RAB11FIP4: variants seen among roughly 807,000 people sequenced by gnomAD.
The protein encoded by RAB11FIP4 is RAB11 family interacting protein 4, also known as rab11 family-interacting protein 4.
A neutral mutation model predicts 74.3 loss-of-function variants in RAB11FIP4; 23 were observed. The observed-to-expected ratio is 0.31, with a 90% CI of 0.22 to 0.44. The LOEUF is 0.44. Among genes scored for constraint, RAB11FIP4 ranks in the 20% least tolerant of loss-of-function variants. The pLI is 1.00. For synonymous variants in RAB11FIP4, 360 were observed against 359.9 expected, an observed-to-expected ratio of 1.00 and a Z score of 0.00; for missense variants, 630 against 863.9, an observed-to-expected ratio of 0.73 and a Z score of 3.39.
At chr17:31,483,192 C>CAAAAAA (rs56720417) in intron 3 of RAB11FIP4, among the ~76,000 whole-genome samples, 4 of 58,568 alleles carry the variant, frequency 6.8e-5, no homozygotes, top group Non-Finnish European at 9.0e-5. Context: ...GACTGCATCT[C>CAAAAAA]AAAAAAAAAA....
intron 13 of RAB11FIP4, among the ~76,000 whole-genome samples, chr17:31,529,258 C>T (rs1334593746): frequency 6.6e-6 from 1 of 152,022 alleles, no homozygotes; most frequent in African/African-American, 2.4e-5. Context: ...CCACCATGCC[C>T]AGCTAATGTT....
At chr17:31,521,017 A>G (rs2072654281) in intron 4 of RAB11FIP4, 149 bp from the exon 5 acceptor site, 2 of 556,042 alleles carry the variant, frequency 3.6e-6, no homozygotes, top group African/African-American at 1.9e-5. Flanking sequence ...CCCTTTAGAT[A>G]GGGTCCCTGA....
At chr17:31,405,611 G>A (rs987738552) in intron 1 of RAB11FIP4, among the ~76,000 whole-genome samples, 4 of 152,248 alleles carry the variant, frequency 2.6e-5, no homozygotes, top group East Asian at 1.9e-4. Flanking sequence ...GACCTCAGGC[G>A]ATCCGCCCTC....
At chr17:31,495,437 C>T (rs1244051041) in intron 3 of RAB11FIP4, among the ~76,000 whole-genome samples, 1 of 139,176 alleles carries the variant, frequency 7.2e-6, no homozygotes, top group Non-Finnish European at 1.5e-5. Context: ...TGCAGCGATA[C>T]AATCTTGGCT....
chr17:31,501,486 C>T (rs946527869), intron 3 of RAB11FIP4, among the ~76,000 whole-genome samples: 3 of 152,110 alleles, frequency 2.0e-5, no homozygotes, highest in African/African-American at 4.8e-5. Flanking sequence ...TTTTATGTCC[C>T]ACGCAATTTA....
rs186180465 is a variant in RAB11FIP4, at chr17:31,493,969, T to G, written c.337-23682T>G. ...GCAGCATTCAGATGGGGCATCCTGT[T>G]CATCCACCCCCCTGCTTTGGGGTGG... On this transcript the variant is annotated intron_variant, in intron 3 of 14. Transcript: ENST00000621161. Among the ~76,000 whole-genome samples, 11 of 152,168 alleles carry G rather than the reference T, an allele frequency of 7.2e-5. No homozygotes were observed. The East Asian group carries it at 2.1e-3, about 30-fold the overall frequency.
At chr17:31,400,264 G>A (rs1430889801) in intron 1 of RAB11FIP4, among the ~76,000 whole-genome samples, 5 of 152,228 alleles carry the variant, frequency 3.3e-5, no homozygotes, top group African/African-American at 1.2e-4. Context: ...TTAGAACAAT[G>A]TCATAGATGG....
chr17:31,473,706 A>G (rs181099663), intron 3 of RAB11FIP4, among the ~76,000 whole-genome samples: 3 of 152,226 alleles, frequency 2.0e-5, no homozygotes, highest in East Asian at 3.8e-4. Context: ...GGGCTATTCC[A>G]TGGTCCTCAC....
rs1472422894 is a variant in RAB11FIP4 at position 31,517,716 on chromosome 17, T to TC, written c.405dup (p.Glu136ArgfsTer13). ...TCATCCCCAGGGAACCCGGCTTTTTTCCCGAGGACGAGGAGGAGGCTATGA... is the reference window on the plus strand; with the variant it reads ...TCATCCCCAGGGAACCCGGCTTTTTTCCCCGAGGACGAGGAGGAGGCTATGA... On this transcript the variant is annotated frameshift_variant, in exon 4 of 15. Coordinates refer to ENST00000621161, the MANE Select transcript of RAB11FIP4 (RefSeq NM_032932.6). LOFTEE classifies it high-confidence loss of function. 7 of 1,604,556 alleles carry TC rather than the reference T, an allele frequency of 4.4e-6. No homozygotes were observed. Among genetic ancestry groups the TC allele is most frequent in the Non-Finnish European group, 6.0e-6 (7 of 1,176,250 alleles).
At chr17:31,523,191 G>A (rs1444543506) in intron 7 of RAB11FIP4, 2 of 388,424 alleles carry the variant, frequency 5.1e-6, no homozygotes. Flanking sequence ...AAGAGGAGGG[G>A]GCTCACGTGC....
At chr17:31,405,819 C>T (rs1478595054) in intron 1 of RAB11FIP4, among the ~76,000 whole-genome samples, 2 of 152,106 alleles carry the variant, frequency 1.3e-5, no homozygotes, top group East Asian at 3.9e-4. Flanking sequence ...TACCTTAAAA[C>T]CCACATCTGG....
chr17:31,536,798 C>T lies in RAB11FIP4; in HGVS notation c.*5066C>T. On this transcript the variant is annotated 3_prime_UTR_variant, in exon 15 of 15. Transcript: ENST00000621161. ...CAGGACAACTCTGAGGCCCTTCTGC[C>T]ATATTCTCTGCTACCCACCAGAGAA... is the stretch of plus-strand genomic sequence containing the variant. The T allele has an allele frequency of 2.5e-6, 1 of 394,294 alleles. No homozygotes were observed. The highest frequency in any genetic ancestry group is 1.4e-4 in the South Asian group (1 of 6,988). 24.4% of individuals were successfully genotyped at this position (394,294 alleles called of 1,614,324 possible).
At chr17:31,521,764 A>T in intron 5 of RAB11FIP4, 151 bp from the exon 6 acceptor site, 1 of 820,232 alleles carries the variant, frequency 1.2e-6, no homozygotes. Flanking sequence ...TGGAGAAGGG[A>T]TGATCTGTTG....
rs532501790 is a variant in RAB11FIP4, at chr17:31,497,760, A to C, written c.337-19891A>C. On this transcript the variant is annotated intron_variant, in intron 3 of 14. Coordinates refer to ENST00000621161, the MANE Select transcript of RAB11FIP4 (RefSeq NM_032932.6). ...GATGTCTGGGTGACAGTGGCCCCCA[A>C]GCAGGGGCTGAGTGTGCGCTGCTGG... is the stretch of plus-strand genomic sequence containing the variant. 2.0e-5 allele frequency among the ~76,000 whole-genome samples: 3 copies of C among 152,268 alleles called. No individual in the cohort carries two copies. The East Asian group carries it at 5.8e-4, about 29-fold the overall frequency.
chr17:31,403,336 T>A (rs554150869), intron 1 of RAB11FIP4, among the ~76,000 whole-genome samples: 1 of 151,760 alleles, frequency 6.6e-6, no homozygotes, highest in African/African-American at 2.4e-5. Flanking sequence ...TTCTTTTTTT[T>A]TTTTGAGATG....
chr17:31,464,749 C>CTTTTTTTTTT lies in RAB11FIP4; in HGVS notation c.336+30647_336+30656dup, dbSNP rs58083480. Among the ~76,000 whole-genome samples the CTTTTTTTTTT allele has an allele frequency of 1.3e-4, 5 of 39,636 alleles. 1 individual carries two copies. The highest frequency in any genetic ancestry group is 2.2e-4 in the African/African-American group (2 of 9,248). 26.0% of individuals were successfully genotyped at this position (39,636 alleles called of 152,430 possible). A position where few individuals can be genotyped will look rare whatever the true frequency, so the allele number is the denominator to read the frequency against. ...TACAGGCATGAGCCACTGTGCCCGG[C>CTTTTTTTTTT]TTTTTTTTTTTTTTTTTTTTTTTTT... is the stretch of plus-strand genomic sequence containing the variant. On this transcript the variant is annotated intron_variant, in intron 3 of 14. Coordinates refer to ENST00000621161, the MANE Select transcript of RAB11FIP4 (RefSeq NM_032932.6).
At chr17:31,397,960 G>C (rs151322537) in intron 1 of RAB11FIP4, among the ~76,000 whole-genome samples, 2 of 151,432 alleles carry the variant, frequency 1.3e-5, no homozygotes, top group Non-Finnish European at 2.9e-5. Flanking sequence ...CTGCAGCCTC[G>C]AGCTCTTGGG....
At chr17:31,407,605 C>T (rs1380258224) in intron 1 of RAB11FIP4, among the ~76,000 whole-genome samples, 1 of 152,176 alleles carries the variant, frequency 6.6e-6, no homozygotes, top group Non-Finnish European at 1.5e-5. Flanking sequence ...TCTGAGGAGT[C>T]CAGGCCAGTT....
chr17:31,409,526 G>A (rs573813722), intron 1 of RAB11FIP4, among the ~76,000 whole-genome samples: 1 of 152,194 alleles, frequency 6.6e-6, no homozygotes, highest in South Asian at 2.1e-4. Context: ...GGAAAATCAG[G>A]GTGCACTTAC....
Sources: gnomAD v4.1 joint callset for allele counts (sites outside exome capture counted in the v4.1 genomes callset) on GRCh38, gnomAD v4.1.1 for gene constraint, MANE v1.5 for transcripts, NCBI Gene and HGNC (gene_info 2026-07-23, HGNC 2026-07-21) for gene names.